CDH5: variants seen among roughly 807,000 people sequenced by gnomAD.
CDH5 encodes the protein cadherin-5.
A neutral mutation model predicts 62.0 loss-of-function variants in CDH5; 28 were observed. That is an observed-to-expected ratio of 0.45 (90% CI 0.33 to 0.62). The LOEUF (loss-of-function observed/expected upper bound fraction) is 0.62. Ranked by LOEUF, CDH5 falls within the 20% of genes least tolerant of loss-of-function variation. CDH5 has a pLI of 0.02. For missense variants in CDH5, 940 were observed against 1,065.1 expected (o/e 0.88, Z 1.63); for synonymous variants, 464 against 445.8 (o/e 1.04, Z -0.52).
chr16:66,373,885 C>T, intron 1 of CDH5, among the ~76,000 whole-genome samples: 1 of 152,186 alleles, frequency 6.6e-6, no homozygotes, highest in East Asian at 1.9e-4. Context: ...ATAAGTCTTA[C>T]ATCCTGGGGA....
intron 7 of CDH5, chr16:66,395,516 T>TTC (rs1313676921): frequency 6.8e-6 from 1 of 147,524 alleles, no homozygotes; most frequent in Non-Finnish European, 1.5e-5. Context: ...TTTTTTTTTT[T>TTC]TTTTTTTTGT....
At chr16:66,372,860 C>T (rs2049695740) in intron 1 of CDH5, among the ~76,000 whole-genome samples, 1 of 152,208 alleles carries the variant, frequency 6.6e-6, no homozygotes, top group Non-Finnish European at 1.5e-5. Context: ...TCCTCCAGAC[C>T]TCCCCAGACT....
In CDH5 at chr16:66,384,764, G is replaced by C. The variant is rs150768709; in HGVS notation, c.211-2045G>C. Reference sequence around the variant, plus strand: ...GCAGATCACTTGAGGTCAGGAGTTTGAGACCAGCCTGGCCAACATGGTGAA... The same window carrying C: ...GCAGATCACTTGAGGTCAGGAGTTTCAGACCAGCCTGGCCAACATGGTGAA... On this transcript the variant is annotated intron_variant, in intron 2 of 11. Transcript: ENST00000341529. 8.0e-3 allele frequency among the ~76,000 whole-genome samples: 1,215 copies of C among 151,106 alleles called. 11 individuals are homozygous for C. The highest frequency in any genetic ancestry group is 0.027 in the African/African-American group (1,120 of 41,202).
intron 2 of CDH5, among the ~76,000 whole-genome samples, chr16:66,382,142 G>A (rs1411078999): frequency 6.6e-6 from 1 of 152,200 alleles, no homozygotes; most frequent in Non-Finnish European, 1.5e-5. Flanking sequence ...GTGGCCCCAG[G>A]GTTCAGGGTT....
chr16:66,372,086 C>T (rs1163064236), intron 1 of CDH5, among the ~76,000 whole-genome samples: 1 of 152,198 alleles, frequency 6.6e-6, no homozygotes, highest in Non-Finnish European at 1.5e-5. Context: ...TGTGATGTCC[C>T]ACAGTGGCTC....
chr16:66,397,526 AT>A (rs1318175471), intron 8 of CDH5, among the ~76,000 whole-genome samples: 1 of 151,886 alleles, frequency 6.6e-6, no homozygotes, highest in Admixed American at 6.6e-5. Flanking sequence ...TGGCCTTAAA[AT>A]TTTTTTTAAT....
At chr16:66,397,929 C>T (rs937120976) in intron 8 of CDH5, 53 bp from the exon 9 acceptor site, 1 of 1,612,024 alleles carries the variant, frequency 6.2e-7, no homozygotes, top group Non-Finnish European at 8.5e-7. Flanking sequence ...TCTTCCACCG[C>T]CCAAGGCCAG....
intron 6 of CDH5, 131 bp from the exon 7 acceptor site, chr16:66,392,005 C>T (rs1474993779): frequency 1.0e-5 from 11 of 1,078,452 alleles, no homozygotes; most frequent in Admixed American, 8.0e-5. Flanking sequence ...TATCACTTGT[C>T]GAGGCCATGG....
rs530194233 is a variant in CDH5, at chr16:66,403,962, C to T, written c.*793C>T. Reference sequence around the variant, plus strand: ...GTGAGGGCCACCTCCACACCCACCCCCTCTGGAGAAGGCCTGGAAGAGCTG... The same window carrying T: ...GTGAGGGCCACCTCCACACCCACCCTCTCTGGAGAAGGCCTGGAAGAGCTG... On this transcript the variant is annotated 3_prime_UTR_variant, in exon 12 of 12. Transcript: ENST00000341529. This position sits in a 1 kb window ranked among gnomAD's most constrained non-coding sequence, Gnocchi z 4.3. 2 of 152,908 alleles carry T rather than the reference C, an allele frequency of 1.3e-5. No individual in the cohort carries two copies. Among genetic ancestry groups the T allele is most frequent in the South Asian group, 4.1e-4 (2 of 4,822 alleles). The allele number at this position is 152,908 out of a possible 1,614,324, so 9.5% of individuals were successfully genotyped here.
In CDH5 at chr16:66,374,426, G is replaced by C. The variant is rs940873560; in HGVS notation, c.-19-4893G>C. ...CAGCTGCTGTGAGGTGACTCTGCGA[G>C]AGCCAGTCTCAGCCCTGTCAGAGGG... On this transcript the variant is annotated intron_variant, in intron 1 of 11. Transcript: ENST00000341529. Among the ~76,000 whole-genome samples the C allele has an allele frequency of 2.2e-4, 33 of 152,240 alleles. 1 individual carries two copies. The highest frequency in any genetic ancestry group is 7.5e-4 in the African/African-American group (31 of 41,466).
At chr16:66,382,413 C>T (rs572059539) in intron 2 of CDH5, among the ~76,000 whole-genome samples, 1 of 152,106 alleles carries the variant, frequency 6.6e-6, no homozygotes, top group Non-Finnish European at 1.5e-5. Context: ...AGGAGAATGC[C>T]GCCCTAGGAA....
In CDH5 at chr16:66,404,390, G is replaced by A. The variant is rs2142350435; in HGVS notation, c.*1221G>A. On this transcript the variant is annotated 3_prime_UTR_variant, in exon 12 of 12. Transcript: ENST00000341529. The stretch of plus-strand genomic sequence containing the variant: ...AAGTGGCATCAGTCAACAGAGAGGG[G>A]CAGGGAAGGAGACACCAAGCTCACC... 6.6e-6 allele frequency: 1 copy of A among 152,570 alleles called. No homozygotes were observed. The highest frequency in any genetic ancestry group is 1.9e-4 in the East Asian group (1 of 5,186). The allele number at this position is 152,570 out of a possible 1,614,324, so 9.5% of individuals were successfully genotyped here.
intron 2 of CDH5, among the ~76,000 whole-genome samples, chr16:66,383,882 C>G (rs1233935769): frequency 6.6e-6 from 1 of 152,094 alleles, no homozygotes; most frequent in East Asian, 1.9e-4. Context: ...CTTCTAGAAT[C>G]TTCCCTAGGC....
chr16:66,377,883 G>A (rs1296247563), intron 1 of CDH5, among the ~76,000 whole-genome samples: 1 of 152,200 alleles, frequency 6.6e-6, no homozygotes, highest in East Asian at 1.9e-4. Context: ...ATCTCTGGGT[G>A]ATCCACATCC....
chr16:66,393,266 A>G (rs540975669), intron 7 of CDH5, among the ~76,000 whole-genome samples: 22 of 152,314 alleles, frequency 1.4e-4, no homozygotes, highest in Non-Finnish European at 3.1e-4. Flanking sequence ...TCTCTGTCCT[A>G]TCCATCATTC....
At chr16:66,378,045 C>T (rs1030522642) in intron 1 of CDH5, among the ~76,000 whole-genome samples, 2 of 152,160 alleles carry the variant, frequency 1.3e-5, no homozygotes, top group African/African-American at 4.8e-5. Context: ...TTCCTATGAA[C>T]CCAGACCCTC....
intron 2 of CDH5, among the ~76,000 whole-genome samples, chr16:66,385,409 G>A (rs1357633776): frequency 6.6e-6 from 1 of 152,212 alleles, no homozygotes; most frequent in Non-Finnish European, 1.5e-5. Flanking sequence ...TAAGAAGTAT[G>A]GAAAATCCTG....
intron 8 of CDH5, among the ~76,000 whole-genome samples, 154 bp from the exon 9 acceptor site, chr16:66,397,828 C>G (rs1056080602): frequency 2.6e-5 from 4 of 152,138 alleles, no homozygotes; most frequent in African/African-American, 9.7e-5. Flanking sequence ...CCCCACCAAA[C>G]TCCTTTTATC....
chr16:66,371,262 G>A (rs1351449602), intron 1 of CDH5, among the ~76,000 whole-genome samples: 1 of 152,132 alleles, frequency 6.6e-6, no homozygotes, highest in East Asian at 1.9e-4. Context: ...ACTGAGATTT[G>A]AGCTGTGGAA....
Sources: allele counts gnomAD v4.1 joint callset (sites outside exome capture counted in the v4.1 genomes callset), GRCh38; gene constraint gnomAD v4.1.1; non-coding constraint Gnocchi (gnomAD v3.1); transcripts MANE v1.5; gene names NCBI Gene and HGNC (gene_info 2026-07-23, HGNC 2026-07-21).